Variants in MRPS35 observed in about 807,000 individuals in gnomAD.
MRPS35 encodes the protein small ribosomal subunit protein mS35.
A neutral mutation model predicts 32.7 loss-of-function variants in MRPS35; 29 were observed. The ratio of observed to expected loss-of-function variants is 0.89; its 90% CI spans 0.66 to 1.21. MRPS35 has a LOEUF of 1.21. Ranked by LOEUF, MRPS35 falls within the 50% of genes most tolerant of loss-of-function variation. The pLI, the probability that MRPS35 is intolerant of heterozygous loss-of-function variation, is 0.00. For missense variants in MRPS35, 373 were observed against 383.8 expected (o/e 0.97, Z 0.23); for synonymous variants, 148 against 139.3 (o/e 1.06, Z -0.44).
chr12:27,735,518 C>A lies in MRPS35; in HGVS notation c.594C>A (p.Tyr198Ter). The A allele has an allele frequency of 6.2e-7, 1 of 1,612,494 alleles. No homozygotes were observed. Among genetic ancestry groups the A allele is most frequent in the Non-Finnish European group, 8.5e-7 (1 of 1,179,476 alleles). The change falls in exon 6 of 8, where the codon TAC (tyrosine) becomes TAA (stop). Residue 198 changes from tyrosine (Y) to a stop codon, truncating the protein, a stop_gained. Coordinates refer to ENST00000081029, the MANE Select transcript of MRPS35 (RefSeq NM_021821.4). LOFTEE classifies it high-confidence loss of function. ...KKLIKLVGERYCKTTDVLTIK... is the reference protein window; with the variant it reads ...KKLIKLVGER ...TAATTAAACTTGTAGGAGAGCGATA[C>A]TGCAAGACCACAGATGTGCTTACCA... is the stretch of plus-strand genomic sequence containing the variant.
chr12:27,739,789 A>G (rs1176936244), intron 7 of MRPS35, among the ~76,000 whole-genome samples: 2 of 152,242 alleles, frequency 1.3e-5, no homozygotes, highest in Non-Finnish European at 2.9e-5. Context: ...AGTATCTATT[A>G]GAATGAATTT....
intron 5 of MRPS35, among the ~76,000 whole-genome samples, chr12:27,730,648 C>T (rs1487679992): frequency 1.3e-5 from 2 of 151,934 alleles, no homozygotes; most frequent in Admixed American, 6.6e-5. Context: ...TGAGGTTTTG[C>T]CATGTTGCCA....
chr12:27,750,030 CA>C (rs1469799497), intron 7 of MRPS35, among the ~76,000 whole-genome samples: 4 of 152,154 alleles, frequency 2.6e-5, no homozygotes, highest in African/African-American at 9.7e-5. Flanking sequence ...TTTAGAAACC[CA>C]AAAAGCTTTA....
intron 5 of MRPS35, among the ~76,000 whole-genome samples, chr12:27,732,824 C>T (rs1015104011): frequency 9.9e-5 from 15 of 151,968 alleles, no homozygotes; most frequent in African/African-American, 3.6e-4. Context: ...TTTAAGGTAA[C>T]ATTAAATGGC....
intron 5 of MRPS35, among the ~76,000 whole-genome samples, chr12:27,734,144 T>C (rs544977428): frequency 1.2e-4 from 19 of 152,316 alleles, no homozygotes; most frequent in African/African-American, 4.6e-4. Context: ...CTTCTTGATA[T>C]AGTTACAGCT....
chr12:27,727,215 C>T (rs1225040262), intron 5 of MRPS35, among the ~76,000 whole-genome samples: 1 of 152,060 alleles, frequency 6.6e-6, no homozygotes, highest in Non-Finnish European at 1.5e-5. Context: ...CCTGCCTCAG[C>T]CTCCCAAAAT....
chr12:27,738,857 G>A (rs1484068958), intron 7 of MRPS35, among the ~76,000 whole-genome samples: 1 of 150,696 alleles, frequency 6.6e-6, no homozygotes, highest in African/African-American at 2.4e-5. Flanking sequence ...GACTCTTAGA[G>A]ATACAACAAG....
rs142920785 is a variant in MRPS35 at position 27,720,207 on chromosome 12, C to G, written c.382+339C>G. ...AGGATTTTGAGACCAGCCTGGCCAA[C>G]ATAGTGAAACCCTGTCTCTACTAAA... is the stretch of plus-strand genomic sequence containing the variant. On this transcript the variant is annotated intron_variant, in intron 4 of 7. Coordinates refer to ENST00000081029, the MANE Select transcript of MRPS35 (RefSeq NM_021821.4). Among the ~76,000 whole-genome samples, 400 of 152,114 alleles carry G rather than the reference C, an allele frequency of 2.6e-3. 3 individuals carry two copies. Among genetic ancestry groups the G allele is most frequent in the African/African-American group, 9.4e-3 (388 of 41,494 alleles).
rs138182182 is a variant in MRPS35, at chr12:27,729,604, A to G, written c.522+5418A>G. Among the ~76,000 whole-genome samples the G allele has an allele frequency of 1.3e-5, 2 of 152,260 alleles. 1 individual carries two copies. The highest frequency in any genetic ancestry group is 4.8e-5 in the African/African-American group (2 of 41,512). On this transcript the variant is annotated intron_variant, in intron 5 of 7. Coordinates refer to ENST00000081029, the MANE Select transcript of MRPS35 (RefSeq NM_021821.4). ...TAATGGTGTATCCTATTCTTAGATTACTAGCATTTATGAAATTACCTCCTT... is the reference window on the plus strand; with the variant it reads ...TAATGGTGTATCCTATTCTTAGATTGCTAGCATTTATGAAATTACCTCCTT...
At chr12:27,714,067 C>A (rs1297317934) in intron 1 of MRPS35, among the ~76,000 whole-genome samples, 2 of 135,638 alleles carry the variant, frequency 1.5e-5, no homozygotes, top group South Asian at 2.3e-4. Flanking sequence ...AGTGAGATGA[C>A]CTTGTCTCAA....
chr12:27,734,487 C>G (rs765902129), intron 5 of MRPS35, among the ~76,000 whole-genome samples: 1 of 152,048 alleles, frequency 6.6e-6, no homozygotes, highest in Admixed American at 6.6e-5. Context: ...GTGATCCGCC[C>G]GCCTCGGCCT....
chr12:27,725,048 C>T (rs1593467216), intron 5 of MRPS35, among the ~76,000 whole-genome samples: 1 of 152,150 alleles, frequency 6.6e-6, no homozygotes, highest in African/African-American at 2.4e-5. Flanking sequence ...TCCAAAGTGG[C>T]TGGGACTACA....
At chr12:27,736,500 CTTT>C (rs61685175) in intron 6 of MRPS35, among the ~76,000 whole-genome samples, 1 of 144,868 alleles carries the variant, frequency 6.9e-6, no homozygotes, top group Admixed American at 6.8e-5. Flanking sequence ...AATAATGTTG[CTTT>C]TTTTTTTTTT....
At chr12:27,727,118 G>A (rs1353575349) in intron 5 of MRPS35, among the ~76,000 whole-genome samples, 5 of 151,770 alleles carry the variant, frequency 3.3e-5, no homozygotes, top group African/African-American at 1.2e-4. Context: ...CCGCCACCAC[G>A]CCTGGCTAAT....
At chr12:27,747,785 A>G (rs927056407) in intron 7 of MRPS35, among the ~76,000 whole-genome samples, 3 of 152,162 alleles carry the variant, frequency 2.0e-5, no homozygotes, top group Non-Finnish European at 2.9e-5. Context: ...TGAATTAGCT[A>G]TTATGTTTTT....
chr12:27,728,272 C>T (rs76072019), intron 5 of MRPS35, among the ~76,000 whole-genome samples: 2 of 152,032 alleles, frequency 1.3e-5, no homozygotes, highest in East Asian at 3.8e-4. Flanking sequence ...ACCAAATTCT[C>T]TTTTTTAAAT....
chr12:27,731,388 A>G (rs1370602001), intron 5 of MRPS35, among the ~76,000 whole-genome samples: 1 of 152,224 alleles, frequency 6.6e-6, no homozygotes, highest in African/African-American at 2.4e-5. Context: ...GAACATTCAA[A>G]GTACACTGAA....
At chr12:27,716,757 G>A (rs1211558380) in intron 3 of MRPS35, among the ~76,000 whole-genome samples, 1 of 152,166 alleles carries the variant, frequency 6.6e-6, no homozygotes, top group East Asian at 1.9e-4. Flanking sequence ...GGAGGCCGAG[G>A]TGGGCAGATC....
chr12:27,741,579 A>G lies in MRPS35; in HGVS notation c.702+3971A>G, dbSNP rs1318781392. Among the ~76,000 whole-genome samples the G allele has an allele frequency of 2.0e-5, 3 of 152,352 alleles. No homozygotes were observed. The East Asian group carries it at 5.8e-4, about 29-fold the overall frequency. ...TGGCAGAGTTTGTACAAGTAAAGTC[A>G]GATCTATACTCTTTAGGATGTGTAT... On this transcript the variant is annotated intron_variant, in intron 7 of 7. Transcript: ENST00000081029.
Sources: allele counts gnomAD v4.1 joint callset (sites outside exome capture counted in the v4.1 genomes callset), GRCh38; gene constraint gnomAD v4.1.1; transcripts MANE v1.5; gene names NCBI Gene and HGNC (gene_info 2026-07-23, HGNC 2026-07-21).